The following PLD1 variants were observed in gnomAD, a reference collection of about 807,000 sequenced individuals.
The protein encoded by PLD1 is choline phosphatase 1.
PLD1 carries 112 observed loss-of-function variants against 137.1 expected under a neutral mutation model. The ratio of observed to expected loss-of-function variants is 0.82; its 90% CI spans 0.70 to 0.96. The LOEUF is 0.96. Among genes scored for constraint, PLD1 ranks in the 40% least tolerant of loss-of-function variants. The pLI, the probability that PLD1 is intolerant of heterozygous loss-of-function variation, is 0.00. For synonymous variants in PLD1, 431 were observed against 454.7 expected, an observed-to-expected ratio of 0.95 and a Z score of 0.66; for missense variants, 1,321 against 1,342.0, an observed-to-expected ratio of 0.98 and a Z score of 0.24.
At chr3:171,636,954 GT>G (rs1165974202) in intron 23 of PLD1, among the ~76,000 whole-genome samples, 1 of 152,092 alleles carries the variant, frequency 6.6e-6, no homozygotes, top group Non-Finnish European at 1.5e-5. Context: ...GTTTGTTGAG[GT>G]TTTTTTGTTT....
intron 1 of PLD1, among the ~76,000 whole-genome samples, chr3:171,753,233 C>CTATG (rs1440444603): frequency 2.4e-4 from 37 of 152,326 alleles, no homozygotes; most frequent in Admixed American, 2.4e-3. Context: ...ACCGCTGCTC[C>CTATG]TATGCATAGT....
chr3:171,758,822 C>T (rs1186176662), intron 1 of PLD1, among the ~76,000 whole-genome samples: 3 of 152,128 alleles, frequency 2.0e-5, no homozygotes, highest in African/African-American at 7.2e-5. Context: ...ATGAAGATCC[C>T]CAGAGAACTG....
intron 1 of PLD1, among the ~76,000 whole-genome samples, chr3:171,799,119 T>C (rs577982636): frequency 1.3e-5 from 2 of 151,996 alleles, no homozygotes; most frequent in African/African-American, 4.8e-5. Flanking sequence ...GGCAGGTGGA[T>C]CACAAGGTCA....
chr3:171,778,462 G>A (rs1234419163), intron 1 of PLD1, among the ~76,000 whole-genome samples: 1 of 152,230 alleles, frequency 6.6e-6, no homozygotes, highest in Non-Finnish European at 1.5e-5. Context: ...GGACTGGAGA[G>A]AGATGGCATC....
chr3:171,724,597 T>G lies in PLD1; in HGVS notation c.758+99A>C, dbSNP rs73879819. On this transcript the variant is annotated intron_variant, in intron 8 of 26. Transcript: ENST00000351298. Reference sequence around the variant, plus strand: ...TATAATTAAAAATTTGTTCTGCCATTGCTTTTAAAGGATTTATAATTTAAA... The same window carrying G: ...TATAATTAAAAATTTGTTCTGCCATGGCTTTTAAAGGATTTATAATTTAAA... 214,062 of 707,808 alleles carry G rather than the reference T, an allele frequency of 0.3. 35,789 individuals carry two copies. Among genetic ancestry groups the G allele is most frequent in the African/African-American group, 0.52 (28,940 of 56,014 alleles). The allele number at this position is 707,808 out of a possible 1,614,324, so 43.8% of individuals were successfully genotyped here.
rs1016192583 is a variant in PLD1 at position 171,647,144 on chromosome 3, G to C, written c.2430-2121C>G. Among the ~76,000 whole-genome samples, 5 of 152,164 alleles carry C rather than the reference G, an allele frequency of 3.3e-5. No homozygotes were observed. In the South Asian group the frequency reaches 1.0e-3, roughly 32 times the overall value. ...AGCTCCTTTGAAACACAGGATGCCT[G>C]CCCACATATCTTTCTGGTTTTGGTA... On this transcript the variant is annotated intron_variant, in intron 21 of 26. Transcript: ENST00000351298.
At chr3:171,659,360 G>T in intron 20 of PLD1, 59 bp from the exon 21 acceptor site, 1 of 1,004,312 alleles carries the variant, frequency 1.0e-6, no homozygotes, top group African/African-American at 1.6e-5. Context: ...ATATACGTAA[G>T]AACAATACTG....
chr3:171,654,299 T>TAA, intron 21 of PLD1: 3 of 121,784 alleles, frequency 2.5e-5, no homozygotes, highest in Non-Finnish European at 4.3e-5. Context: ...CAAGACTGTC[T>TAA]CAAAAAAAAA....
At position 171,674,995 on chromosome 3, in the gene PLD1, A is replaced by AAG. The variant is rs1553816271; in HGVS notation, c.2116-383_2116-382insCT. Among the ~76,000 whole-genome samples, 42 of 140,280 alleles carry AAG rather than the reference A, an allele frequency of 3.0e-4. 1 individual carries two copies. The South Asian group carries it at 8.1e-3, about 27-fold the overall frequency. 92.0% of individuals were successfully genotyped at this position (140,280 alleles called of 152,430 possible). On this transcript the variant is annotated intron_variant, in intron 18 of 26. Transcript: ENST00000351298. ...TCTCCATCTCAAAAAAAAAAAAAAA[A>AAG]AAAAGAAAAAGAAAAGAAAAGAAAT...
At position 171,687,407 on chromosome 3, in the gene PLD1, C is replaced by G; in HGVS notation, c.1717G>C (p.Asp573His). 6.2e-7 allele frequency: 1 copy of G among 1,614,126 alleles called. No homozygotes were observed. The highest frequency in any genetic ancestry group is 8.5e-7 in the Non-Finnish European group (1 of 1,180,004). ...YKQLHRHHLH[D>H]ADSISSIDST... is the part of the protein sequence containing the mutation. ...TCAATGCTGCTGATGCTATCTGCGTCGTGCAGGTGGTGCCTGTGGAGCTGC... is the reference window on the plus strand; with the variant it reads ...TCAATGCTGCTGATGCTATCTGCGTGGTGCAGGTGGTGCCTGTGGAGCTGC... The change falls in exon 15 of 27, where the codon GAC (aspartate) becomes CAC (histidine). Residue 573 changes from aspartate to histidine, a missense_variant. Asp to His is a moderately conservative substitution (Grantham distance 81). Coordinates refer to ENST00000351298, the MANE Select transcript of PLD1 (RefSeq NM_002662.5).
chr3:171,685,600 T>C (rs963191741), intron 16 of PLD1, among the ~76,000 whole-genome samples: 1 of 152,212 alleles, frequency 6.6e-6, no homozygotes, highest in Non-Finnish European at 1.5e-5. Flanking sequence ...ATAGAGTCTG[T>C]GCAAAATAAA....
chr3:171,695,827 T>C (rs1560225774), intron 12 of PLD1, among the ~76,000 whole-genome samples: 1 of 134,264 alleles, frequency 7.4e-6, no homozygotes, highest in Non-Finnish European at 1.5e-5. Context: ...AATGTAAAGA[T>C]GTAAAGTAAA....
In PLD1 at chr3:171,736,476, C is replaced by A. The variant is rs115394182; in HGVS notation, c.289-839G>T. 9.6e-3 allele frequency among the ~76,000 whole-genome samples: 1,465 copies of A among 152,232 alleles called. 9 individuals are homozygous for A. The highest frequency in any genetic ancestry group is 0.013 in the Non-Finnish European group (862 of 68,016). The stretch of plus-strand genomic sequence containing the variant: ...GGTGAAATAAGAAAACAAAGCTCAT[C>A]TTAGAGACATTTCTGAGGGAGTTGT... On this transcript the variant is annotated intron_variant, in intron 3 of 26. Coordinates refer to ENST00000351298, the MANE Select transcript of PLD1 (RefSeq NM_002662.5).
intron 1 of PLD1, among the ~76,000 whole-genome samples, chr3:171,758,948 G>A (rs1048182128): frequency 6.6e-5 from 10 of 152,194 alleles, no homozygotes; most frequent in African/African-American, 2.4e-4. Context: ...AATACATTAA[G>A]TCTTTGGCAA....
In PLD1 at chr3:171,760,890, A is replaced by T. The variant is rs570842390; in HGVS notation, c.-31-22808T>A. Among the ~76,000 whole-genome samples, 4 of 152,356 alleles carry T rather than the reference A, an allele frequency of 2.6e-5. No individual in the cohort carries two copies. The East Asian group carries it at 5.8e-4, about 22-fold the overall frequency. On this transcript the variant is annotated intron_variant, in intron 1 of 26. Transcript: ENST00000351298. ...GCTGAAGCAACCTCTTGCTGGTGGC[A>T]TTGTTAATGGAGACACCATTCTCAG...
chr3:171,770,390 G>A (rs1722260372), intron 1 of PLD1, among the ~76,000 whole-genome samples: 1 of 152,106 alleles, frequency 6.6e-6, no homozygotes, highest in South Asian at 2.1e-4. Context: ...TGATATTCTG[G>A]TTCACTGAAA....
intron 1 of PLD1, among the ~76,000 whole-genome samples, chr3:171,745,865 C>A (rs1014941166): frequency 4.6e-5 from 7 of 152,098 alleles, no homozygotes; most frequent in Non-Finnish European, 7.4e-5. Context: ...GAGCCAACTC[C>A]TTCTGCTTGC....
chr3:171,639,538 TATAA>T (rs1355265987), intron 23 of PLD1, among the ~76,000 whole-genome samples: 2 of 85,550 alleles, frequency 2.3e-5, no homozygotes, highest in Non-Finnish European at 3.9e-5. Flanking sequence ...ATATATATTA[TATAA>T]ATATATATTC....
intron 1 of PLD1, among the ~76,000 whole-genome samples, chr3:171,796,477 T>C (rs1487716901): frequency 1.3e-5 from 2 of 152,240 alleles, no homozygotes; most frequent in Non-Finnish European, 2.9e-5. Context: ...ATGATTGTCA[T>C]GGATCAACTA....
Sources: allele counts gnomAD v4.1 joint callset (sites outside exome capture counted in the v4.1 genomes callset), GRCh38; gene constraint gnomAD v4.1.1; transcripts MANE v1.5; gene names NCBI Gene and HGNC (gene_info 2026-07-23, HGNC 2026-07-21).